Variants in ZC2HC1A observed in about 807,000 individuals in gnomAD.
ZC2HC1A encodes zinc finger C2HC-type containing 1A.
In ZC2HC1A, 28 loss-of-function variants were observed where a neutral mutation model predicts 40.7. The ratio of observed to expected loss-of-function variants is 0.69; its 90% CI spans 0.51 to 0.94. The LOEUF is 0.94. Ranked by LOEUF, ZC2HC1A falls within the 40% of genes least tolerant of loss-of-function variation. The pLI, the probability that ZC2HC1A is intolerant of heterozygous loss-of-function variation, is 0.00. For missense variants in ZC2HC1A, 389 were observed against 386.3 expected, an observed-to-expected ratio of 1.01 and a Z score of -0.06; for synonymous variants, 129 against 129.2, an observed-to-expected ratio of 1.00 and a Z score of 0.01.
intron 7 of ZC2HC1A, among the ~76,000 whole-genome samples, chr8:78,699,551 A>C (rs952389342): frequency 1.3e-5 from 2 of 152,066 alleles, no homozygotes; most frequent in Admixed American, 1.3e-4. Context: ...TGTTGTATGC[A>C]TTATTTCATC....
At chr8:78,679,490 T>C (rs1386884553) in intron 3 of ZC2HC1A, 1 of 152,188 alleles carries the variant, frequency 6.6e-6, no homozygotes, top group East Asian at 1.9e-4. Context: ...TTTATTGTTA[T>C]ATGGTTATTT....
At chr8:78,699,133 T>TAAG (rs10652919) in intron 7 of ZC2HC1A, among the ~76,000 whole-genome samples, 150,218 of 152,220 alleles carry the variant, frequency 0.99, 74,128 homozygotes, top group East Asian at 1. Flanking sequence ...GTGATTCTGT[T>TAAG]AGGAAAATGT....
intron 7 of ZC2HC1A, among the ~76,000 whole-genome samples, chr8:78,699,938 G>T (rs1231176450): frequency 6.6e-6 from 1 of 151,870 alleles, no homozygotes; most frequent in Non-Finnish European, 1.5e-5. Flanking sequence ...ATATGTGTGT[G>T]TCTTTATAAT....
intron 5 of ZC2HC1A, among the ~76,000 whole-genome samples, chr8:78,696,201 A>T (rs1299231674): frequency 6.6e-6 from 1 of 151,810 alleles, no homozygotes; most frequent in Non-Finnish European, 1.5e-5. Flanking sequence ...CGCCCGGCTA[A>T]TTTTTTGTAT....
At chr8:78,716,481 GTTAT>G (rs1356172647) in intron 8 of ZC2HC1A, among the ~76,000 whole-genome samples, 2 of 151,962 alleles carry the variant, frequency 1.3e-5, no homozygotes, top group African/African-American at 4.8e-5. Context: ...ATAAGAGTTT[GTTAT>G]TTATTGCATC....
At chr8:78,671,988 T>G (rs1809447743) in intron 1 of ZC2HC1A, among the ~76,000 whole-genome samples, 1 of 152,198 alleles carries the variant, frequency 6.6e-6, no homozygotes, top group African/African-American at 2.4e-5. Flanking sequence ...CTTAACTTCC[T>G]TATTTTATGT....
At chr8:78,674,950 T>G (rs1012725265) in intron 1 of ZC2HC1A, among the ~76,000 whole-genome samples, 1 of 152,130 alleles carries the variant, frequency 6.6e-6, no homozygotes, top group Admixed American at 6.6e-5. Flanking sequence ...GTTACATGTT[T>G]AAGTATCATT....
intron 3 of ZC2HC1A, among the ~76,000 whole-genome samples, chr8:78,679,974 A>C (rs1809715241): frequency 6.6e-6 from 1 of 152,164 alleles, no homozygotes; most frequent in South Asian, 2.1e-4. Flanking sequence ...AGTGTAATAT[A>C]GTGGGTGTTA....
rs773355594 is a variant in ZC2HC1A at position 78,686,565 on chromosome 8, G to A, written c.309G>A (p.Glu103=). Reference sequence around the variant, plus strand: ...AAGGCCTTGATCAGGCCCTCAAAGAGGGTGGCAAACTTCCTCCTCCTCCTC... The same window carrying A: ...AAGGCCTTGATCAGGCCCTCAAAGAAGGTGGCAAACTTCCTCCTCCTCCTC... ...AAKGLDQALK[E]GGKLPPPPPP... The change falls in exon 4 of 9, where the codon GAG becomes GAA. Residue 103 remains glutamate (E), a synonymous_variant. Coordinates refer to ENST00000263849, the MANE Select transcript of ZC2HC1A (RefSeq NM_016010.3). 1.0e-5 allele frequency: 16 copies of A among 1,533,722 alleles called. No homozygotes were observed. The Admixed American group carries it at 1.9e-4, about 18-fold the overall frequency.
intron 4 of ZC2HC1A, among the ~76,000 whole-genome samples, chr8:78,686,962 G>T (rs1810000349): frequency 6.6e-6 from 1 of 151,980 alleles, no homozygotes; most frequent in African/African-American, 2.4e-5. Context: ...ATATAATTAT[G>T]TTGCCTGGTT....
chr8:78,704,702 G>A lies in ZC2HC1A; in HGVS notation c.704+6189G>A, dbSNP rs144964645. On this transcript the variant is annotated intron_variant, in intron 7 of 8. Coordinates refer to ENST00000263849, the MANE Select transcript of ZC2HC1A (RefSeq NM_016010.3). ...ATCCTGAAATATGTTTTTCAAATTG[G>A]TGCCATTCTCCTCATCTCTTTCAGA... Among the ~76,000 whole-genome samples the A allele has an allele frequency of 1.6e-3, 251 of 152,264 alleles. 1 individual carries two copies. The highest frequency in any genetic ancestry group is 0.01 in the Middle Eastern group (3 of 294).
At chr8:78,702,429 T>G (rs576089838) in intron 7 of ZC2HC1A, among the ~76,000 whole-genome samples, 2 of 152,338 alleles carry the variant, frequency 1.3e-5, no homozygotes, top group East Asian at 3.9e-4. Flanking sequence ...CCTAGATTTG[T>G]TGATCTTTTG....
chr8:78,696,502 T>G (rs1360083826), intron 5 of ZC2HC1A, among the ~76,000 whole-genome samples: 1 of 152,208 alleles, frequency 6.6e-6, no homozygotes, highest in Non-Finnish European at 1.5e-5. Context: ...GCAAGTTCAT[T>G]TCTTGCTATT....
rs1040699106 is a variant in ZC2HC1A, at chr8:78,698,397, T to C, written c.605-17T>C. ...TTTTTTAGAGTATTGTTAAAAATAA[T>C]GCTTTTTTATTATAAGGTGTTCCTT... On this transcript the variant is annotated splice_polypyrimidine_tract_variant and intron_variant, in intron 6 of 8. Transcript: ENST00000263849. 3.1e-6 allele frequency: 5 copies of C among 1,591,584 alleles called. No homozygotes were observed. The highest frequency in any genetic ancestry group is 4.3e-6 in the Non-Finnish European group (5 of 1,165,786).
chr8:78,691,594 G>A (rs1810213168), intron 5 of ZC2HC1A, among the ~76,000 whole-genome samples: 1 of 151,952 alleles, frequency 6.6e-6, no homozygotes, highest in East Asian at 1.9e-4. Context: ...ATTTGCTTAT[G>A]TTTAGGTCTG....
At chr8:78,677,370 A>G in intron 2 of ZC2HC1A, among the ~76,000 whole-genome samples, 1 of 152,090 alleles carries the variant, frequency 6.6e-6, no homozygotes, top group East Asian at 1.9e-4. Flanking sequence ...AAAAAATCTG[A>G]ATAGTAGTAG....
intron 3 of ZC2HC1A, among the ~76,000 whole-genome samples, chr8:78,684,396 ATCTCATGAGACTCATTCACTG>A (rs1249374320): frequency 6.6e-6 from 1 of 152,178 alleles, no homozygotes; most frequent in African/African-American, 2.4e-5. Flanking sequence ...AAACCATCAG[ATCTCATGAGACTCATTCACTG>A]TCATGAGGAC....
At chr8:78,711,560 T>C (rs1384117189) in intron 7 of ZC2HC1A, among the ~76,000 whole-genome samples, 1 of 152,116 alleles carries the variant, frequency 6.6e-6, no homozygotes, top group African/African-American at 2.4e-5. Context: ...CAATTCCTTA[T>C]TTTTGGAATT....
At position 78,686,576 on chromosome 8, in the gene ZC2HC1A, T is replaced by TTCC. The variant is rs376863949; in HGVS notation, c.333_335dup (p.Pro113dup). Reference sequence around the variant, plus strand: ...CAGGCCCTCAAAGAGGGTGGCAAACTTCCTCCTCCTCCTCCACCTTCTTAT... The same window carrying TTCC: ...CAGGCCCTCAAAGAGGGTGGCAAACTTCCTCCTCCTCCTCCTCCACCTTCTTAT... On this transcript the variant is annotated inframe_insertion, in exon 4 of 9. Coordinates refer to ENST00000263849, the MANE Select transcript of ZC2HC1A (RefSeq NM_016010.3). 5 of 1,535,986 alleles carry TTCC rather than the reference T, an allele frequency of 3.3e-6. No homozygotes were observed. Among genetic ancestry groups the TTCC allele is most frequent in the Non-Finnish European group, 4.4e-6 (5 of 1,141,196 alleles).
Sources: gnomAD v4.1 joint callset for allele counts (sites outside exome capture counted in the v4.1 genomes callset) on GRCh38, gnomAD v4.1.1 for gene constraint, MANE v1.5 for transcripts, NCBI Gene and HGNC (gene_info 2026-07-23, HGNC 2026-07-21) for gene names.